Variants in KCNH7 observed in about 807,000 individuals in gnomAD.
The protein encoded by KCNH7 is potassium voltage-gated channel subfamily H member 7, also known as voltage-gated inwardly rectifying potassium channel KCNH7.
A neutral mutation model predicts 120.8 loss-of-function variants in KCNH7; 49 were observed. The ratio of observed to expected loss-of-function variants is 0.41; its 90% CI spans 0.32 to 0.51. The LOEUF (loss-of-function observed/expected upper bound fraction) is 0.51, where lower values mean the gene tolerates loss of function less well. Among genes scored for constraint, KCNH7 ranks in the 20% least tolerant of loss-of-function variants. The pLI is 0.38. For synonymous variants in KCNH7, 547 were observed against 516.1 expected, an observed-to-expected ratio of 1.06 and a Z score of -0.81; for missense variants, 1,097 against 1,446.6, an observed-to-expected ratio of 0.76 and a Z score of 3.92.
rs188031570 is a variant in KCNH7 at position 162,631,346 on chromosome 2, G to A, written c.308-94266C>T. Among the ~76,000 whole-genome samples the A allele has an allele frequency of 9.2e-5, 14 of 151,970 alleles. No individual in the cohort carries two copies. In the East Asian group the frequency reaches 1.7e-3, roughly 19 times the overall value. ...AATTGCATTTTTTCCCTGTGTCTCT[G>A]GGTATTTTTTGATTAGAGCAGATCT... On this transcript the variant is annotated intron_variant, in intron 2 of 15. Transcript: ENST00000332142.
intron 2 of KCNH7, among the ~76,000 whole-genome samples, chr2:162,639,338 A>C (rs377544437): frequency 6.6e-6 from 1 of 152,158 alleles, no homozygotes; most frequent in Non-Finnish European, 1.5e-5. Context: ...TTCTTTAAAA[A>C]TATTACATTT....
rs1387529656 is a variant in KCNH7 at position 162,512,649 on chromosome 2, A to C, written c.913+5T>G. The C allele has an allele frequency of 1.9e-6, 3 of 1,608,902 alleles. No homozygotes were observed. The highest frequency in any genetic ancestry group is 1.3e-5 in the African/African-American group (1 of 74,642). ...CAGATGGTGAAATTTGAGTTTGTAC[A>C]TTACCTTTGACATTGCGACCATTGT... On this transcript the variant is annotated splice_donor_5th_base_variant and intron_variant, in intron 5 of 15. Coordinates refer to ENST00000332142, the MANE Select transcript of KCNH7 (RefSeq NM_033272.4).
At position 162,831,116 on chromosome 2, in the gene KCNH7, T is replaced by A. The variant is rs142502634; in HGVS notation, c.307+5421A>T. Among the ~76,000 whole-genome samples the A allele has an allele frequency of 1.2e-3, 183 of 152,246 alleles. 1 individual carries two copies. The highest frequency in any genetic ancestry group is 4.2e-3 in the African/African-American group (173 of 41,552). ...GTTGTTAAGGGCTCAGACTCCACTG[T>A]GTATGAGCTATGTGCAATTTGGCAA... On this transcript the variant is annotated intron_variant, in intron 2 of 15. Coordinates refer to ENST00000332142, the MANE Select transcript of KCNH7 (RefSeq NM_033272.4).
chr2:162,531,485 C>CT (rs1394960047), intron 3 of KCNH7, among the ~76,000 whole-genome samples: 2 of 152,008 alleles, frequency 1.3e-5, no homozygotes, highest in East Asian at 3.9e-4. Context: ...AACAAATTAC[C>CT]TTATTGGTAT....
At chr2:162,578,091 C>T (rs1693748487) in intron 2 of KCNH7, among the ~76,000 whole-genome samples, 1 of 151,940 alleles carries the variant, frequency 6.6e-6, no homozygotes, top group Admixed American at 6.6e-5. Flanking sequence ...TGGAGACAAG[C>T]CCCTAGGCTA....
At chr2:162,579,791 G>A (rs1693812726) in intron 2 of KCNH7, among the ~76,000 whole-genome samples, 1 of 151,934 alleles carries the variant, frequency 6.6e-6, no homozygotes. Context: ...AGAGTAGATA[G>A]AGTAATCAAA....
intron 12 of KCNH7, among the ~76,000 whole-genome samples, chr2:162,386,284 C>G (rs1204427056): frequency 6.6e-6 from 1 of 151,848 alleles, no homozygotes; most frequent in African/African-American, 2.4e-5. Context: ...GCACAGACCT[C>G]CTTAAACCTC....
At position 162,584,775 on chromosome 2, in the gene KCNH7, T is replaced by A. The variant is rs566881527; in HGVS notation, c.308-47695A>T. On this transcript the variant is annotated intron_variant, in intron 2 of 15. Coordinates refer to ENST00000332142, the MANE Select transcript of KCNH7 (RefSeq NM_033272.4). ...AATTATGCTTCTAACTTAAACTTAC[T>A]CCATGTAGAAAGAAAGAAGTCATGG... Among the ~76,000 whole-genome samples the A allele has an allele frequency of 1.3e-3, 196 of 151,928 alleles. 1 individual carries two copies. The highest frequency in any genetic ancestry group is 4.3e-3 in the African/African-American group (177 of 41,448).
chr2:162,643,804 C>CAAAAAAAAAAAAAAAAAAA (rs781089376), intron 2 of KCNH7, among the ~76,000 whole-genome samples: 1 of 90,436 alleles, frequency 1.1e-5, no homozygotes, highest in Admixed American at 1.3e-4. Flanking sequence ...GACTCTATCT[C>CAAAAAAAAAAAAAAAAAAA]AAAAAAAAAA....
At chr2:162,631,327 A>G (rs1477414918) in intron 2 of KCNH7, among the ~76,000 whole-genome samples, 1 of 151,874 alleles carries the variant, frequency 6.6e-6, no homozygotes, top group Non-Finnish European at 1.5e-5. Flanking sequence ...GGCAAATTGC[A>G]TTTTTTCCCT....
At chr2:162,672,856 A>G (rs1328606325) in intron 2 of KCNH7, among the ~76,000 whole-genome samples, 1 of 152,014 alleles carries the variant, frequency 6.6e-6, no homozygotes, top group East Asian at 1.9e-4. Flanking sequence ...ACACCAATAA[A>G]CAAAATTAAG....
At chr2:162,439,143 AT>A (rs1688344966) in intron 7 of KCNH7, among the ~76,000 whole-genome samples, 1 of 152,050 alleles carries the variant, frequency 6.6e-6, no homozygotes, top group Non-Finnish European at 1.5e-5. Flanking sequence ...GGAAATCCCA[AT>A]TTTTTGATTT....
At position 162,562,552 on chromosome 2, in the gene KCNH7, C is replaced by T. The variant is rs192414313; in HGVS notation, c.308-25472G>A. ...GAGAGTAGATATTCTTGCTGTTGAC[C>T]GCTCAGGTAAAAGTACTCGGTCCTT... On this transcript the variant is annotated intron_variant, in intron 2 of 15. Coordinates refer to ENST00000332142, the MANE Select transcript of KCNH7 (RefSeq NM_033272.4). 5.4e-4 allele frequency among the ~76,000 whole-genome samples: 82 copies of T among 152,182 alleles called. 2 individuals are homozygous for T. Among genetic ancestry groups the T allele is most frequent in the African/African-American group, 1.9e-3 (77 of 41,532 alleles).
At chr2:162,428,431 T>G (rs965978196) in intron 8 of KCNH7, among the ~76,000 whole-genome samples, 1 of 151,908 alleles carries the variant, frequency 6.6e-6, no homozygotes, top group African/African-American at 2.4e-5. Flanking sequence ...TCAAATTTAT[T>G]GAGACTTGTT....
At chr2:162,416,150 G>A (rs1471684451) in intron 9 of KCNH7, among the ~76,000 whole-genome samples, 2 of 152,002 alleles carry the variant, frequency 1.3e-5, no homozygotes, top group African/African-American at 4.8e-5. Context: ...CACCACTTTG[G>A]GAGTCCAAGG....
At chr2:162,556,610 T>C (rs930272351) in intron 2 of KCNH7, among the ~76,000 whole-genome samples, 4 of 152,232 alleles carry the variant, frequency 2.6e-5, no homozygotes, top group African/African-American at 4.8e-5. Flanking sequence ...ATTTAAAATG[T>C]AGGAGAATGG....
At chr2:162,493,878 A>G (rs910022933) in intron 6 of KCNH7, among the ~76,000 whole-genome samples, 5 of 152,186 alleles carry the variant, frequency 3.3e-5, no homozygotes, top group Admixed American at 1.3e-4. Context: ...GTTTAAACAA[A>G]TGGTGGAAGA....
intron 2 of KCNH7, among the ~76,000 whole-genome samples, chr2:162,660,101 T>TTATC (rs1684908924): frequency 6.6e-6 from 1 of 152,166 alleles, no homozygotes; most frequent in Non-Finnish European, 1.5e-5. Flanking sequence ...TTTTCCTCTA[T>TTATC]TAATTTCCTA....
rs1686352521 is a variant in KCNH7 at position 162,379,929 on chromosome 2, T to TA, written c.3054dup (p.Ile1019TyrfsTer3). On this transcript the variant is annotated frameshift_variant, in exon 14 of 16. Transcript: ENST00000332142. LOFTEE classifies it high-confidence loss of function. Reference sequence around the variant, plus strand: ...GTGAGGTCGCTTTCGGTTTCAGAGATACCCCAGGCAGCTCGCTGAAGTGCA... The same window carrying TA: ...GTGAGGTCGCTTTCGGTTTCAGAGATAACCCCAGGCAGCTCGCTGAAGTGCA... 2 of 1,613,964 alleles carry TA rather than the reference T, an allele frequency of 1.2e-6. No homozygotes were observed. Among genetic ancestry groups the TA allele is most frequent in the African/African-American group, 1.3e-5 (1 of 74,940 alleles).
Sources: gnomAD v4.1 joint callset for allele counts (sites outside exome capture counted in the v4.1 genomes callset) on GRCh38, gnomAD v4.1.1 for gene constraint, MANE v1.5 for transcripts, NCBI Gene and HGNC (gene_info 2026-07-23, HGNC 2026-07-21) for gene names.